IL15: variants seen among roughly 807,000 people sequenced by gnomAD.
IL15 encodes the protein interleukin 15.
In IL15, 11 loss-of-function variants were observed where a neutral mutation model predicts 19.6. The observed-to-expected ratio is 0.56, with a 90% CI of 0.35 to 0.93. The LOEUF is 0.93. IL15 is among the 40% of genes least tolerant of loss of function. The pLI is 0.01. For missense variants in IL15, 197 were observed against 186.5 expected (o/e 1.06, Z -0.33); for synonymous variants, 58 against 59.6 (o/e 0.97, Z 0.12).
chr4:141,713,356 G>T (rs1729770903), intron 2 of IL15, among the ~76,000 whole-genome samples: 1 of 152,136 alleles, frequency 6.6e-6, no homozygotes, highest in Non-Finnish European at 1.5e-5. Flanking sequence ...GCAGGTGGTT[G>T]GTGATTCAAA....
chr4:141,660,114 C>G (rs1388545095), intron 2 of IL15, among the ~76,000 whole-genome samples: 1 of 152,120 alleles, frequency 6.6e-6, no homozygotes, highest in Non-Finnish European at 1.5e-5. Flanking sequence ...CAGTTAATCC[C>G]TTGAAGGTAG....
At chr4:141,645,048 A>G (rs1361871783) in intron 1 of IL15, among the ~76,000 whole-genome samples, 1 of 152,062 alleles carries the variant, frequency 6.6e-6, no homozygotes, top group Non-Finnish European at 1.5e-5. Flanking sequence ...CTGCTTTCTG[A>G]TGTTAGAGGG....
At chr4:141,643,305 A>C (rs1247135683) in intron 1 of IL15, among the ~76,000 whole-genome samples, 1 of 151,970 alleles carries the variant, frequency 6.6e-6, no homozygotes, top group Non-Finnish European at 1.5e-5. Context: ...TTTTCTCCTC[A>C]TGTTTCTGCT....
chr4:141,644,846 A>G (rs1165963086), intron 1 of IL15, among the ~76,000 whole-genome samples: 1 of 152,184 alleles, frequency 6.6e-6, no homozygotes, highest in Non-Finnish European at 1.5e-5. Flanking sequence ...TAGCAAGTCT[A>G]AATAGAGCCG....
chr4:141,725,394 G>A (rs1730224366), intron 5 of IL15, among the ~76,000 whole-genome samples: 1 of 152,108 alleles, frequency 6.6e-6, no homozygotes, highest in Non-Finnish European at 1.5e-5. Flanking sequence ...AAACAGATAA[G>A]GGTATAGATA....
intron 2 of IL15, chr4:141,716,979 C>T (rs568190216): frequency 6.6e-6 from 1 of 152,150 alleles, no homozygotes; most frequent in Non-Finnish European, 1.5e-5. Flanking sequence ...TACCTTCGCA[C>T]ATTGTATTTT....
At chr4:141,726,623 G>A (rs537784560) in intron 5 of IL15, among the ~76,000 whole-genome samples, 29 of 152,148 alleles carry the variant, frequency 1.9e-4, no homozygotes, top group African/African-American at 5.8e-4. Context: ...TGAAAACTAC[G>A]TGCACACAAA....
chr4:141,657,404 CT>C (rs1305229972), intron 2 of IL15, among the ~76,000 whole-genome samples: 4 of 151,772 alleles, frequency 2.6e-5, no homozygotes, highest in Admixed American at 2.0e-4. Flanking sequence ...AAATATTTTT[CT>C]TCTTTTAATA....
intron 2 of IL15, among the ~76,000 whole-genome samples, chr4:141,657,455 GAAAC>G (rs1242316940): frequency 2.6e-5 from 4 of 151,692 alleles, no homozygotes; most frequent in African/African-American, 9.7e-5. Flanking sequence ...TTAAAGTTAA[GAAAC>G]AAACATTTTC....
chr4:141,691,119 A>G (rs2152177273), intron 2 of IL15, among the ~76,000 whole-genome samples: 1 of 152,380 alleles, frequency 6.6e-6, no homozygotes, highest in South Asian at 2.1e-4. Context: ...GGAAGCAGGC[A>G]CCTTCTTCAC....
At chr4:141,679,830 G>A (rs1468531250) in intron 2 of IL15, among the ~76,000 whole-genome samples, 1 of 152,166 alleles carries the variant, frequency 6.6e-6, no homozygotes, top group Non-Finnish European at 1.5e-5. Context: ...ACAAGTCAAA[G>A]CATCTACATA....
intron 2 of IL15, among the ~76,000 whole-genome samples, chr4:141,692,623 C>T (rs1359381264): frequency 6.6e-6 from 1 of 152,090 alleles, no homozygotes; most frequent in East Asian, 1.9e-4. Context: ...TTCAAAGTTG[C>T]ACAGATCTTT....
chr4:141,639,323 G>A (rs370291181), intron 1 of IL15, among the ~76,000 whole-genome samples: 2 of 151,980 alleles, frequency 1.3e-5, no homozygotes, highest in East Asian at 1.9e-4. Context: ...GTAGAATGCC[G>A]GTTTTAAAGT....
At chr4:141,721,531 T>C (rs1259069117) in intron 4 of IL15, 1 of 526,460 alleles carries the variant, frequency 1.9e-6, no homozygotes, top group East Asian at 4.9e-5. Flanking sequence ...TTTTAAGAAT[T>C]TTACCTATTT....
intron 2 of IL15, among the ~76,000 whole-genome samples, chr4:141,712,435 A>C (rs569138767): frequency 2.6e-5 from 4 of 152,116 alleles, no homozygotes; most frequent in Non-Finnish European, 5.9e-5. Flanking sequence ...AAACATTTGC[A>C]CCAAGTGACA....
intron 2 of IL15, among the ~76,000 whole-genome samples, chr4:141,675,668 A>G (rs1404302891): frequency 2.0e-5 from 3 of 152,222 alleles, no homozygotes; most frequent in Non-Finnish European, 2.9e-5. Flanking sequence ...ATGACATTAC[A>G]AGAAAAAGTT....
At chr4:141,726,916 C>G (rs750606842) in intron 5 of IL15, among the ~76,000 whole-genome samples, 2 of 152,070 alleles carry the variant, frequency 1.3e-5, no homozygotes, top group African/African-American at 4.8e-5. Flanking sequence ...AATGGAGAAA[C>G]CTTCAAAGTC....
chr4:141,716,807 C>T (rs1366069841), intron 2 of IL15: 1 of 152,258 alleles, frequency 6.6e-6, no homozygotes, highest in Non-Finnish European at 1.5e-5. Flanking sequence ...GGTCCAACCC[C>T]CACCCAGTGT....
At chr4:141,696,287 T>C (rs1729091961) in intron 2 of IL15, among the ~76,000 whole-genome samples, 1 of 152,140 alleles carries the variant, frequency 6.6e-6, no homozygotes, top group Non-Finnish European at 1.5e-5. Context: ...TAAATTGGTC[T>C]ATGAGTCTGT....
Sources: gnomAD v4.1 joint callset for allele counts (sites outside exome capture counted in the v4.1 genomes callset) on GRCh38, gnomAD v4.1.1 for gene constraint, MANE v1.5 for transcripts, NCBI Gene and HGNC (gene_info 2026-07-23, HGNC 2026-07-21) for gene names.